NAV1: variants seen among roughly 807,000 people sequenced by gnomAD.
NAV1 encodes the protein neuron navigator 1, also known as pore membrane and/or filament interacting like protein 3.
NAV1 carries 18 observed loss-of-function variants against 175.2 expected under a neutral mutation model. The observed-to-expected ratio is 0.10, with a 90% CI of 0.07 to 0.15. The LOEUF (loss-of-function observed/expected upper bound fraction) is 0.15, where lower values mean the gene tolerates loss of function less well. Ranked by LOEUF, NAV1 falls within the 10% of genes least tolerant of loss-of-function variation. The pLI is 1.00. For synonymous variants in NAV1, 897 were observed against 978.7 expected, an observed-to-expected ratio of 0.92 and a Z score of 1.56; for missense variants, 1,731 against 2,436.6, an observed-to-expected ratio of 0.71 and a Z score of 6.10.
In NAV1 at chr1:201,810,516, G is replaced by T; in HGVS notation, c.4562-7G>T. ...CAATACTCATGCTTTCTGGGGTGGGGGTTCAGGTCTGAAGGAGAAATGCGT... is the reference window on the plus strand; with the variant it reads ...CAATACTCATGCTTTCTGGGGTGGGTGTTCAGGTCTGAAGGAGAAATGCGT... On this transcript the variant is annotated splice_polypyrimidine_tract_variant and splice_region_variant and intron_variant, in intron 23 of 29. Transcript: ENST00000367296. The surrounding 1 kb of genome is among the most constrained non-coding windows in gnomAD (Gnocchi z 6.0). The T allele has an allele frequency of 6.2e-7, 1 of 1,603,202 alleles. No homozygotes were observed. The highest frequency in any genetic ancestry group is 8.5e-7 in the Non-Finnish European group (1 of 1,174,954).
At position 201,788,275 on chromosome 1, in the gene NAV1, G is replaced by A. The variant is rs751720972; in HGVS notation, c.2996-193G>A. On this transcript the variant is annotated intron_variant, in intron 9 of 29. Transcript: ENST00000367296. The surrounding 1 kb of genome is among the most constrained non-coding windows in gnomAD (Gnocchi z 5.7). ...CCATTAGGGCTTGATCTCCCCAGGA[G>A]GGACCCCGCTCCTAACCACCAGCTG... is the stretch of plus-strand genomic sequence containing the variant. 1.2e-4 allele frequency among the ~76,000 whole-genome samples: 19 copies of A among 152,076 alleles called. No homozygotes were observed. The highest frequency in any genetic ancestry group is 2.2e-4 in the Non-Finnish European group (15 of 68,006).
In NAV1 at chr1:201,648,579, C is replaced by T. The variant is rs867128918; in HGVS notation, c.-90C>T. ...CGTCCTCTCTCTCCCCCTCCTCCTCCCCCGCCTCCTCCTCCTGCGCTCCCG... is the reference window on the plus strand; with the variant it reads ...CGTCCTCTCTCTCCCCCTCCTCCTCTCCCGCCTCCTCCTCCTGCGCTCCCG... On this transcript the variant is annotated 5_prime_UTR_variant, in exon 1 of 30. Transcript: ENST00000367296. 21 of 1,266,374 alleles carry T rather than the reference C, an allele frequency of 1.7e-5. 1 individual carries two copies. In the African/African-American group the frequency reaches 2.9e-4, roughly 18 times the overall value. The allele number at this position is 1,266,374 out of a possible 1,614,324, so 78.4% of individuals were successfully genotyped here.
intron 1 of NAV1, among the ~76,000 whole-genome samples, chr1:201,710,031 G>A (rs540980455): frequency 1.3e-5 from 2 of 152,156 alleles, no homozygotes; most frequent in Admixed American, 1.3e-4. Context: ...GGTCTTTGAG[G>A]GAAGAGATAT....
At position 201,718,768 on chromosome 1, in the gene NAV1, G is replaced by A. The variant is rs1315421255; in HGVS notation, c.1226+13G>A. 3 of 1,587,720 alleles carry A rather than the reference G, an allele frequency of 1.9e-6. No individual in the cohort carries two copies. The highest frequency in any genetic ancestry group is 1.7e-6 in the Non-Finnish European group (2 of 1,160,820). ...ACATCACTACCGGGTAAGCGCAGGGGCTTCTTGGATGGCGGGGGAGGATGG... is the reference window on the plus strand; with the variant it reads ...ACATCACTACCGGGTAAGCGCAGGGACTTCTTGGATGGCGGGGGAGGATGG... On this transcript the variant is annotated intron_variant, in intron 3 of 29. Coordinates refer to ENST00000367296, the Ensembl canonical transcript of NAV1. This position sits in a 1 kb window ranked among gnomAD's most constrained non-coding sequence, Gnocchi z 4.8.
chr1:201,648,130 T>G (rs1236179983), upstream of NAV1: 1 of 434,620 alleles, frequency 2.3e-6, no homozygotes, highest in Admixed American at 7.9e-5. Flanking sequence ...CCCCTCCTCC[T>G]GTTTGCTCCC....
intron 1 of NAV1, among the ~76,000 whole-genome samples, chr1:201,703,934 C>T (rs758468235): frequency 2.0e-5 from 3 of 152,186 alleles, no homozygotes; most frequent in African/African-American, 7.2e-5. Flanking sequence ...GGTGAGGCCT[C>T]AGAGCACAGA....
At chr1:201,818,082 T>C (rs1471544056) in intron 29 of NAV1, among the ~76,000 whole-genome samples, 1 of 151,632 alleles carries the variant, frequency 6.6e-6, no homozygotes, top group Non-Finnish European at 1.5e-5. Flanking sequence ...ACAAAAAAAT[T>C]AGCTGGGTGT....
At chr1:201,673,362 A>G (rs1670120530) in intron 1 of NAV1, 1 of 152,224 alleles carries the variant, frequency 6.6e-6, no homozygotes, top group Non-Finnish European at 1.5e-5. Context: ...CTCTTGGCAT[A>G]GTAGCTGGAG....
chr1:201,692,255 A>T (rs544488778), intron 1 of NAV1, among the ~76,000 whole-genome samples: 1 of 152,328 alleles, frequency 6.6e-6, no homozygotes, highest in East Asian at 1.9e-4. Context: ...TGTGGGTAAC[A>T]GAGGCTGCTG....
At chr1:201,704,807 A>G (rs910647597) in intron 1 of NAV1, among the ~76,000 whole-genome samples, 18 of 152,162 alleles carry the variant, frequency 1.2e-4, no homozygotes, top group Non-Finnish European at 4.4e-5. Flanking sequence ...AGATGCTTTT[A>G]TGGGCTTCAG....
chr1:201,573,274 G>A (rs7519044), intron 1 of NAV1, among the ~76,000 whole-genome samples: 19,962 of 152,232 alleles, frequency 0.13, 1,341 homozygotes, highest in Admixed American at 0.15. Flanking sequence ...TTCACAGAAC[G>A]TGGCTGCTAA....
At chr1:201,574,300 C>T (rs550105925) in intron 1 of NAV1, among the ~76,000 whole-genome samples, 1 of 152,130 alleles carries the variant, frequency 6.6e-6, no homozygotes, top group Non-Finnish European at 1.5e-5. Flanking sequence ...GGAGTGTTGA[C>T]GAGAGAGACA....
At position 201,548,467 on chromosome 1, in the gene NAV1, C is replaced by T. The variant is rs572669783; in HGVS notation, c.-144+9125C>T. Among the ~76,000 whole-genome samples the T allele has an allele frequency of 9.2e-5, 14 of 152,226 alleles. No homozygotes were observed. The South Asian group carries it at 1.7e-3, about 18-fold the overall frequency. ...ACTTGGGAAGCTGATATAGGAGGAT[C>T]GATCACTTGATCCCAGCCAGGAGTT... On this transcript the variant is annotated intron_variant, in intron 1 of 33. Transcript: ENST00000685211.
intron 3 of NAV1, among the ~76,000 whole-genome samples, chr1:201,769,582 T>A (rs1359057823): frequency 6.6e-6 from 1 of 152,220 alleles, no homozygotes; most frequent in Non-Finnish European, 1.5e-5. Flanking sequence ...TTTGTTTCCA[T>A]GAAGTAGGGT....
intron 3 of NAV1, among the ~76,000 whole-genome samples, chr1:201,774,867 T>G (rs1675836842): frequency 6.6e-6 from 1 of 152,080 alleles, no homozygotes; most frequent in Admixed American, 6.5e-5. Context: ...AAGAAAGAGA[T>G]AATAGTGATG....
At chr1:201,590,554 C>G (rs1667157071) in intron 2 of NAV1, among the ~76,000 whole-genome samples, 1 of 152,176 alleles carries the variant, frequency 6.6e-6, no homozygotes, top group Admixed American at 6.5e-5. Flanking sequence ...GCTTCCTGGT[C>G]CCTGGCAACC....
chr1:201,783,590 A>G lies in NAV1; in HGVS notation c.2542A>G (p.Ile848Val), dbSNP rs368437984. ...CTGCTTCACCCCCAGTCCGGCACCCATCCTCAATATTAACTCAGCCAGCTT... is the reference window on the plus strand; with the variant it reads ...CTGCTTCACCCCCAGTCCGGCACCCGTCCTCAATATTAACTCAGCCAGCTT... Residue 848 changes from isoleucine to valine, a missense_variant, in exon 7 of 30, where the codon ATC becomes GTC. By Grantham distance (29) the Ile-to-Val change is conservative. Coordinates refer to ENST00000367296, the Ensembl canonical transcript of NAV1. 24 of 1,614,062 alleles carry G rather than the reference A, an allele frequency of 1.5e-5. No homozygotes were observed. In the Admixed American group the frequency reaches 1.8e-4, roughly 12 times the overall value.
At chr1:201,803,557 C>A in intron 15 of NAV1, 36 bp from the exon 20 acceptor site, 2 of 1,604,452 alleles carry the variant, frequency 1.2e-6, no homozygotes, top group Non-Finnish European at 8.5e-7. Context: ...CTCTCTAAAT[C>A]TGTTCTATGT....
rs1474775527 is a variant in NAV1, at chr1:201,812,092, C to A, written c.5024+118C>A. 9 of 1,006,862 alleles carry A rather than the reference C, an allele frequency of 8.9e-6. No homozygotes were observed. The highest frequency in any genetic ancestry group is 1.3e-5 in the South Asian group (1 of 74,620). 62.4% of individuals were successfully genotyped at this position (1,006,862 alleles called of 1,614,324 possible). On this transcript the variant is annotated intron_variant, in intron 26 of 29. Coordinates refer to ENST00000367296, the Ensembl canonical transcript of NAV1. The surrounding 1 kb of genome is among the most constrained non-coding windows in gnomAD (Gnocchi z 4.6). ...AGAGAAGTATCCAGAGCTTTTTGGG[C>A]TGGAAATAGAAAGTAGATGTATTTG...
Sources: allele counts gnomAD v4.1 joint callset (sites outside exome capture counted in the v4.1 genomes callset), GRCh38; gene constraint gnomAD v4.1.1; non-coding constraint Gnocchi (gnomAD v3.1); transcripts MANE v1.5; gene names NCBI Gene and HGNC (gene_info 2026-07-23, HGNC 2026-07-21).